Variants in LMX1B observed in about 807,000 individuals in gnomAD.
The protein encoded by LMX1B is LIM homeobox transcription factor 1 beta.
LMX1B carries 12 observed loss-of-function variants against 51.4 expected under a neutral mutation model. The observed-to-expected ratio is 0.23, with a 90% confidence interval of 0.15 to 0.38. The LOEUF is 0.38. Ranked by LOEUF, LMX1B falls within the 10% of genes least tolerant of loss-of-function variation. The pLI is 1.00. For synonymous variants in LMX1B, 237 were observed against 235.4 expected (o/e 1.01, Z -0.06); for missense variants, 445 against 571.1 (o/e 0.78, Z 2.25).
At chr9:126,642,874 A>C (rs1046647113) in intron 2 of LMX1B, among the ~76,000 whole-genome samples, 3 of 152,208 alleles carry the variant, frequency 2.0e-5, no homozygotes, top group Admixed American at 1.3e-4. Context: ...GACCCCGTCC[A>C]GGGATGATGG....
At chr9:126,634,935 C>T (rs986768782) in intron 2 of LMX1B, among the ~76,000 whole-genome samples, 6 of 152,118 alleles carry the variant, frequency 3.9e-5, no homozygotes, top group Middle Eastern at 3.2e-3. Flanking sequence ...CAGGGCTCCC[C>T]GCTCCTTCCC....
chr9:126,665,189 CCCTGG>C (rs989995218), intron 2 of LMX1B, among the ~76,000 whole-genome samples: 4 of 152,242 alleles, frequency 2.6e-5, no homozygotes, highest in African/African-American at 9.6e-5. Flanking sequence ...TCCTCCAGCT[CCCTGG>C]AGCTAGCTGC....
chr9:126,629,096 C>T lies in LMX1B; in HGVS notation c.326+13527C>T, dbSNP rs548697160. 1.8e-3 allele frequency among the ~76,000 whole-genome samples: 274 copies of T among 152,262 alleles called. 4 individuals carry two copies. Among genetic ancestry groups the T allele is most frequent in the Non-Finnish European group, 2.9e-3 (200 of 68,020 alleles). ...AAACCTGGTTCTAGTAAAGCCAGTC[C>T]TGCTTTGACAAGCCCAGCAGGCTGG... On this transcript the variant is annotated intron_variant, in intron 2 of 7. Coordinates refer to ENST00000373474, the MANE Select transcript of LMX1B (RefSeq NM_001174147.2).
chr9:126,624,124 G>A (rs1395951266), intron 2 of LMX1B, among the ~76,000 whole-genome samples: 5 of 152,234 alleles, frequency 3.3e-5, no homozygotes, highest in Non-Finnish European at 4.4e-5. Flanking sequence ...CCCAGCAGCT[G>A]ATTTATGGAG....
intron 2 of LMX1B, among the ~76,000 whole-genome samples, chr9:126,617,375 A>G (rs1835322901): frequency 6.6e-6 from 1 of 151,860 alleles, no homozygotes; most frequent in Non-Finnish European, 1.5e-5. Flanking sequence ...CCTCCAAATC[A>G]TTTGCACAGC....
chr9:126,682,483 G>C (rs1306596677), intron 2 of LMX1B, among the ~76,000 whole-genome samples: 4 of 152,176 alleles, frequency 2.6e-5, no homozygotes, highest in Non-Finnish European at 5.9e-5. Context: ...CCGCCTATGA[G>C]AATGTCCTCC....
chr9:126,659,155 C>T (rs571543797), intron 2 of LMX1B, among the ~76,000 whole-genome samples: 371 of 152,386 alleles, frequency 2.4e-3, no homozygotes, highest in African/African-American at 8.6e-3. Context: ...AGGGCCCTGT[C>T]ACAGGCCTGA....
rs546685265 is a variant in LMX1B, at chr9:126,625,197, G to A, written c.326+9628G>A. ...GAGGACGGCGGGAAGAGGGGGCTCCGGCCCTGTAGCCCCCTGACGCTTTTC... is the reference window on the plus strand; with the variant it reads ...GAGGACGGCGGGAAGAGGGGGCTCCAGCCCTGTAGCCCCCTGACGCTTTTC... On this transcript the variant is annotated intron_variant, in intron 2 of 7. Coordinates refer to ENST00000373474, the MANE Select transcript of LMX1B (RefSeq NM_001174147.2). This position sits in a 1 kb window ranked among gnomAD's most constrained non-coding sequence, Gnocchi z 5.3. Among the ~76,000 whole-genome samples, 1 of 152,362 alleles carries A rather than the reference G, an allele frequency of 6.6e-6. No homozygotes were observed. The highest frequency in any genetic ancestry group is 1.9e-4 in the East Asian group (1 of 5,174).
chr9:126,675,424 A>AT (rs1385297954), intron 2 of LMX1B, among the ~76,000 whole-genome samples: 1 of 152,210 alleles, frequency 6.6e-6, no homozygotes, highest in Non-Finnish European at 1.5e-5. Flanking sequence ...AAATTCAATA[A>AT]TTTTTAAGAT....
At position 126,658,526 on chromosome 9, in the gene LMX1B, G is replaced by T. The variant is rs1167076418; in HGVS notation, c.327-32310G>T. Among the ~76,000 whole-genome samples the T allele has an allele frequency of 6.6e-6, 1 of 152,190 alleles. No individual in the cohort carries two copies. The highest frequency in any genetic ancestry group is 2.4e-5 in the African/African-American group (1 of 41,444). Reference sequence around the variant, plus strand: ...TATAATTCATTATCCTCAAAAATGAGATCAGAAATCAGGAGCTCTCCTCAG... The same window carrying T: ...TATAATTCATTATCCTCAAAAATGATATCAGAAATCAGGAGCTCTCCTCAG... On this transcript the variant is annotated intron_variant, in intron 2 of 7. Transcript: ENST00000373474. The surrounding 1 kb of genome is among the most constrained non-coding windows in gnomAD (Gnocchi z 4.0).
At chr9:126,693,347 G>A (rs772923891) in intron 4 of LMX1B, 24 bp downstream of exon 4, 1 of 1,579,990 alleles carries the variant, frequency 6.3e-7, no homozygotes, top group Admixed American at 1.8e-5. Flanking sequence ...GGGGGGCGGG[G>A]CTCAGGCTGA....
At chr9:126,696,094 G>A in intron 7 of LMX1B, 91 bp downstream of exon 7, 1 of 1,263,734 alleles carries the variant, frequency 7.9e-7, no homozygotes, top group African/African-American at 1.6e-5. Context: ...GCCACCTGCT[G>A]CCCTAGGGCT....
chr9:126,646,199 CAG>C (rs1588277616), intron 2 of LMX1B, among the ~76,000 whole-genome samples: 2 of 152,206 alleles, frequency 1.3e-5, no homozygotes, highest in East Asian at 3.9e-4. Flanking sequence ...AGTGACATGT[CAG>C]GGTAAAATAT....
chr9:126,663,079 G>A (rs564514777), intron 2 of LMX1B, among the ~76,000 whole-genome samples: 1 of 152,272 alleles, frequency 6.6e-6, no homozygotes, highest in East Asian at 1.9e-4. Context: ...GCAACCCAGG[G>A]CAAGCGAATG....
Position 126,677,702 on chromosome 9 carries a change from G to A in LMX1B, c.327-13134G>A, listed in dbSNP as rs1458424125. Among the ~76,000 whole-genome samples the A allele has an allele frequency of 2.0e-5, 3 of 152,298 alleles. No homozygotes were observed. Among genetic ancestry groups the A allele is most frequent in the South Asian group, 2.1e-4 (1 of 4,830 alleles). On this transcript the variant is annotated intron_variant, in intron 2 of 7. Transcript: ENST00000373474. This position sits in a 1 kb window ranked among gnomAD's most constrained non-coding sequence, Gnocchi z 5.0. ...TGAGCACAGGGCTGAACTGGTTCCCGTGAGTGTAACGTCTAGTAGGAGCGT... is the reference window on the plus strand; with the variant it reads ...TGAGCACAGGGCTGAACTGGTTCCCATGAGTGTAACGTCTAGTAGGAGCGT...
intron 2 of LMX1B, among the ~76,000 whole-genome samples, chr9:126,648,461 G>A (rs1392419818): frequency 6.6e-6 from 1 of 152,164 alleles, no homozygotes; most frequent in East Asian, 1.9e-4. Context: ...GCGGGACCCG[G>A]CTTCAAATCT....
chr9:126,627,184 C>T (rs1002679785), intron 2 of LMX1B, among the ~76,000 whole-genome samples: 2 of 150,676 alleles, frequency 1.3e-5, no homozygotes, highest in African/African-American at 2.4e-5. Flanking sequence ...GGAAGAGAGA[C>T]CCCCCGGTCT....
chr9:126,678,308 TCAAAAAAAAAAAACAAAAAA>T lies in LMX1B; in HGVS notation c.327-12508_327-12489del, dbSNP rs1439340888. ...CTGGGCGACAGAGCGAGACTTCGTCTCAAAAAAAAAAAACAAAAAACAAAAAAAAAAAACAAAAAGACTGC... is the reference window on the plus strand; with the variant it reads ...CTGGGCGACAGAGCGAGACTTCGTCTCAAAAAAAAAAAACAAAAAGACTGC... On this transcript the variant is annotated intron_variant, in intron 2 of 7. Transcript: ENST00000373474. 2.4e-3 allele frequency among the ~76,000 whole-genome samples: 253 copies of T among 105,812 alleles called. 1 individual carries two copies. The highest frequency in any genetic ancestry group is 0.02 in the South Asian group (66 of 3,314). The allele number at this position is 105,812 out of a possible 152,430, so 69.4% of individuals were successfully genotyped here.
intron 2 of LMX1B, among the ~76,000 whole-genome samples, chr9:126,620,703 GTGTGCTGGC>G (rs1835394747): frequency 6.6e-6 from 1 of 152,128 alleles, no homozygotes; most frequent in Admixed American, 6.5e-5. Context: ...GGGTGGCCGG[GTGTGCTGGC>G]TCTTTTTCCT....
Sources: gnomAD v4.1 joint callset for allele counts (sites outside exome capture counted in the v4.1 genomes callset) on GRCh38, gnomAD v4.1.1 for gene constraint, Gnocchi (gnomAD v3.1) non-coding constraint, MANE v1.5 for transcripts, NCBI Gene and HGNC (gene_info 2026-07-23, HGNC 2026-07-21) for gene names.